Variants in PANK3 observed in about 807,000 individuals in gnomAD.
PANK3 encodes the protein pantothenate kinase 3, also known as hPanK3.
PANK3 carries 20 observed loss-of-function variants against 39.4 expected under a neutral mutation model. The observed-to-expected ratio is 0.51, with a 90% confidence interval of 0.36 to 0.74. The LOEUF is 0.74. Among genes scored for constraint, PANK3 ranks in the 30% least tolerant of loss-of-function variants. PANK3 has a pLI of 0.00. For missense variants in PANK3, 265 were observed against 437.0 expected, an observed-to-expected ratio of 0.61 and a Z score of 3.51; for synonymous variants, 140 against 157.3, an observed-to-expected ratio of 0.89 and a Z score of 0.82.
intron 5 of PANK3, among the ~76,000 whole-genome samples, chr5:168,560,036 C>G (rs1759418508): frequency 6.6e-6 from 1 of 152,172 alleles, no homozygotes; most frequent in South Asian, 2.1e-4. Flanking sequence ...ACTATACTGA[C>G]TTTTGAGTAG....
In PANK3 at chr5:168,557,717, G is replaced by A. The variant is rs185069615; in HGVS notation, c.1063-96C>T. ...ACACACAACTATGCACAATCTATTT[G>A]TTTAATAATATTTGGAAACCTACCA... is the stretch of plus-strand genomic sequence containing the variant. On this transcript the variant is annotated intron_variant, in intron 6 of 6. Transcript: ENST00000239231. The A allele has an allele frequency of 2.1e-4, 209 of 974,926 alleles. 1 individual carries two copies. In the African/African-American group the frequency reaches 2.8e-3, roughly 13 times the overall value. The allele number at this position is 974,926 out of a possible 1,614,324, so 60.4% of individuals were successfully genotyped here.
rs147061617 is a variant in PANK3 at position 168,577,909 on chromosome 5, G to A, written c.28+1347C>T. Among the ~76,000 whole-genome samples the A allele has an allele frequency of 5.3e-5, 8 of 152,270 alleles. No individual in the cohort carries two copies. In the East Asian group the frequency reaches 1.5e-3, roughly 29 times the overall value. Reference sequence around the variant, plus strand: ...TACTGCACCTGTTCAAGATGCATTAGTTTAATTCAGCAAATGAAAATTTAA... The same window carrying A: ...TACTGCACCTGTTCAAGATGCATTAATTTAATTCAGCAAATGAAAATTTAA... On this transcript the variant is annotated intron_variant, in intron 1 of 6. Coordinates refer to ENST00000239231, the MANE Select transcript of PANK3 (RefSeq NM_024594.4).
intron 2 of PANK3, among the ~76,000 whole-genome samples, chr5:168,568,314 T>C (rs1759567669): frequency 6.6e-6 from 1 of 152,208 alleles, no homozygotes; most frequent in Non-Finnish European, 1.5e-5. Context: ...ACCATGTAAA[T>C]GTAGGACAAT....
intron 6 of PANK3, 82 bp from the exon 7 acceptor site, chr5:168,557,703 T>C (rs375802167): frequency 3.2e-5 from 34 of 1,071,102 alleles, no homozygotes; most frequent in African/African-American, 2.2e-4. Flanking sequence ...CACACAACTA[T>C]GCACAATCTA....
intron 2 of PANK3, among the ~76,000 whole-genome samples, chr5:168,567,145 G>A (rs534860110): frequency 3.3e-5 from 5 of 152,316 alleles, no homozygotes; most frequent in African/African-American, 1.2e-4. Flanking sequence ...CCAAGTGTTT[G>A]TTTAGCATGT....
In PANK3 at chr5:168,553,901, C is replaced by T. The variant is rs1440688863; in HGVS notation, c.*3670G>A. On this transcript the variant is annotated 3_prime_UTR_variant, in exon 7 of 7. Coordinates refer to ENST00000239231, the MANE Select transcript of PANK3 (RefSeq NM_024594.4). ...GTTATTTCTTTGTATTACATCTGAA[C>T]CATCAAAGCTAAATATTTTATTCTA... The T allele has an allele frequency of 6.6e-6, 1 of 152,200 alleles. No homozygotes were observed. The highest frequency in any genetic ancestry group is 1.5e-5 in the Non-Finnish European group (1 of 68,072). 9.4% of individuals were successfully genotyped at this position (152,200 alleles called of 1,614,324 possible). A position where few individuals can be genotyped will look rare whatever the true frequency, so the allele number is the denominator to read the frequency against.
rs1167573068 is a variant in PANK3, at chr5:168,574,968, T to A, written c.28+4288A>T. On this transcript the variant is annotated intron_variant, in intron 1 of 6. Transcript: ENST00000239231. ...AGACCCTTGAAAAGTAGGTCATCAG[T>A]GCACAAGCAGCCTACTTACGGCATA... Among the ~76,000 whole-genome samples, 6 of 152,262 alleles carry A rather than the reference T, an allele frequency of 3.9e-5. 1 individual carries two copies. The highest frequency in any genetic ancestry group is 1.4e-4 in the African/African-American group (6 of 41,550).
At chr5:168,566,405 T>C (rs750969170) in intron 2 of PANK3, 139 bp from the exon 3 acceptor site, 88 of 965,322 alleles carry the variant, frequency 9.1e-5, no homozygotes, top group Non-Finnish European at 1.2e-4. Context: ...TCAGAATCTC[T>C]TTCGGGATTT....
chr5:168,564,121 A>G lies in PANK3; in HGVS notation c.636-56T>C, dbSNP rs181656940. On this transcript the variant is annotated intron_variant, in intron 3 of 6. Transcript: ENST00000239231. The stretch of plus-strand genomic sequence containing the variant: ...CATTTATACATTATATTCTTTCTCT[A>G]AAGTAAAAGGGTGGATCATTCATGT... 6.2e-5 allele frequency: 88 copies of G among 1,408,072 alleles called. No individual in the cohort carries two copies. In the East Asian group the frequency reaches 2.0e-3, roughly 31 times the overall value. The allele number at this position is 1,408,072 out of a possible 1,614,324, so 87.2% of individuals were successfully genotyped here.
chr5:168,576,214 A>C, intron 1 of PANK3, among the ~76,000 whole-genome samples: 1 of 152,208 alleles, frequency 6.6e-6, no homozygotes, highest in Admixed American at 6.5e-5. Flanking sequence ...CAGGCCAATC[A>C]AATTACACAG....
At chr5:168,566,320 C>T in intron 2 of PANK3, 54 bp from the exon 3 acceptor site, 1 of 1,517,998 alleles carries the variant, frequency 6.6e-7, no homozygotes, top group South Asian at 1.3e-5. Flanking sequence ...AAACACTCAA[C>T]TATATGATTT....
intron 1 of PANK3, among the ~76,000 whole-genome samples, chr5:168,578,176 A>G (rs1056549987): frequency 7.9e-5 from 12 of 152,370 alleles, no homozygotes; most frequent in African/African-American, 2.9e-4. Context: ...TGCTTGGAAA[A>G]GTTACTCTGG....
chr5:168,564,206 C>A, intron 3 of PANK3, 141 bp from the exon 4 acceptor site: 3 of 697,502 alleles, frequency 4.3e-6, no homozygotes, highest in African/African-American at 1.9e-5. Flanking sequence ...AATAACATAA[C>A]GAAGGCAACA....
At chr5:168,563,142 A>C (rs948047284) in intron 4 of PANK3, among the ~76,000 whole-genome samples, 1 of 152,206 alleles carries the variant, frequency 6.6e-6, no homozygotes, top group African/African-American at 2.4e-5. Flanking sequence ...GAAGAAAATA[A>C]GGGTTTATTC....
chr5:168,552,156 T>A lies in PANK3; in HGVS notation c.*5415A>T, dbSNP rs1200595997. Reference sequence around the variant, plus strand: ...AAAAAGTTACCAGATTTTTTAAGAATGAAAATTAAGCCCAAAAGTTACAAA... The same window carrying A: ...AAAAAGTTACCAGATTTTTTAAGAAAGAAAATTAAGCCCAAAAGTTACAAA... On this transcript the variant is annotated 3_prime_UTR_variant, in exon 7 of 7. Coordinates refer to ENST00000239231, the MANE Select transcript of PANK3 (RefSeq NM_024594.4). 2.0e-5 allele frequency: 3 copies of A among 152,196 alleles called. No homozygotes were observed. The East Asian group carries it at 5.8e-4, about 29-fold the overall frequency. 9.4% of individuals were successfully genotyped at this position (152,196 alleles called of 1,614,324 possible).
In PANK3 at chr5:168,549,122, G is replaced by A. The variant is rs1304721148; in HGVS notation, c.*8449C>T. ...GCTGTAGTTTAAATAAAAAGTAAAAGCACACAGTGTATAAAAAATAATAAA... is the reference window on the plus strand; with the variant it reads ...GCTGTAGTTTAAATAAAAAGTAAAAACACACAGTGTATAAAAAATAATAAA... On this transcript the variant is annotated 3_prime_UTR_variant, in exon 7 of 7. Coordinates refer to ENST00000239231, the MANE Select transcript of PANK3 (RefSeq NM_024594.4). The A allele has an allele frequency of 6.6e-6, 1 of 152,094 alleles. No homozygotes were observed. Among genetic ancestry groups the A allele is most frequent in the Non-Finnish European group, 1.5e-5 (1 of 68,008 alleles). The allele number at this position is 152,094 out of a possible 1,614,324, so 9.4% of individuals were successfully genotyped here. A position where few individuals can be genotyped will look rare whatever the true frequency, so the allele number is the denominator to read the frequency against.
chr5:168,569,878 C>T (rs1324528654), intron 1 of PANK3, among the ~76,000 whole-genome samples: 1 of 151,974 alleles, frequency 6.6e-6, no homozygotes, highest in Non-Finnish European at 1.5e-5. Flanking sequence ...ATAACAAGAT[C>T]CTGTCTCCGC....
At chr5:168,573,337 A>G (rs1305363603) in intron 1 of PANK3, among the ~76,000 whole-genome samples, 1 of 150,274 alleles carries the variant, frequency 6.7e-6, no homozygotes, top group East Asian at 2.0e-4. Context: ...TTTCAATTCA[A>G]TAGACTTCAG....
At chr5:168,569,920 C>G (rs977136968) in intron 1 of PANK3, among the ~76,000 whole-genome samples, 20 of 152,178 alleles carry the variant, frequency 1.3e-4, no homozygotes, top group African/African-American at 4.8e-4. Context: ...GGCGTGGCAG[C>G]ATGCACCTGT....
Sources: gnomAD v4.1 joint callset for allele counts (sites outside exome capture counted in the v4.1 genomes callset) on GRCh38, gnomAD v4.1.1 for gene constraint, MANE v1.5 for transcripts, NCBI Gene and HGNC (gene_info 2026-07-23, HGNC 2026-07-21) for gene names.